Variants in ATG5 observed in about 807,000 individuals in gnomAD.
ATG5 encodes the protein autophagy protein 5.
A neutral mutation model predicts 36.5 loss-of-function variants in ATG5; 14 were observed. The ratio of observed to expected loss-of-function variants is 0.38; its 90% CI spans 0.25 to 0.60. The LOEUF (loss-of-function observed/expected upper bound fraction) is 0.60, where lower values mean the gene tolerates loss of function less well. Among genes scored for constraint, ATG5 ranks in the 20% least tolerant of loss-of-function variants. The pLI, the probability that ATG5 is intolerant of heterozygous loss-of-function variation, is 0.60. For synonymous variants in ATG5, 95 were observed against 101.5 expected, an observed-to-expected ratio of 0.94 and a Z score of 0.38; for missense variants, 195 against 326.7, an observed-to-expected ratio of 0.60 and a Z score of 3.11.
intron 6 of ATG5, among the ~76,000 whole-genome samples, chr6:106,232,555 A>G (rs1777732867): frequency 6.6e-6 from 1 of 152,078 alleles, no homozygotes; most frequent in Admixed American, 6.5e-5. Flanking sequence ...AAGTTAAACT[A>G]AAGGATTCTG....
At chr6:106,284,824 G>A (rs1780014919) in intron 4 of ATG5, among the ~76,000 whole-genome samples, 1 of 150,854 alleles carries the variant, frequency 6.6e-6, no homozygotes, top group African/African-American at 2.4e-5. Context: ...ATGTCTATTC[G>A]AATCCTTTGA....
At chr6:106,278,870 C>G (rs189704486) in intron 5 of ATG5, among the ~76,000 whole-genome samples, 8 of 152,266 alleles carry the variant, frequency 5.3e-5, no homozygotes, top group Admixed American at 5.2e-4. Context: ...TAATTTATCA[C>G]CGATCATAAG....
chr6:106,185,416 C>T lies in ATG5; in HGVS notation c.*1124G>A, dbSNP rs1012891028. On this transcript the variant is annotated 3_prime_UTR_variant, in exon 8 of 8. Transcript: ENST00000369076. Reference sequence around the variant, plus strand: ...CAAATATGTTTGACTGGTAAAATCCCAGAGGCTTGGTAATAAAGTGCAGCA... The same window carrying T: ...CAAATATGTTTGACTGGTAAAATCCTAGAGGCTTGGTAATAAAGTGCAGCA... 5.9e-5 allele frequency: 9 copies of T among 152,634 alleles called. No individual in the cohort carries two copies. The highest frequency in any genetic ancestry group is 2.2e-4 in the African/African-American group (9 of 41,428). The allele number at this position is 152,634 out of a possible 1,614,324, so 9.5% of individuals were successfully genotyped here.
chr6:106,193,351 T>G (rs923002617), intron 7 of ATG5, among the ~76,000 whole-genome samples: 2 of 152,224 alleles, frequency 1.3e-5, no homozygotes, highest in African/African-American at 4.8e-5. Context: ...GTATACATTT[T>G]ATATCTTTAT....
chr6:106,307,535 C>CTTTT (rs34511184), intron 3 of ATG5, among the ~76,000 whole-genome samples: 6 of 105,144 alleles, frequency 5.7e-5, no homozygotes, highest in Non-Finnish European at 5.7e-5. Context: ...TTTCAATACC[C>CTTTT]TTTTTTTTTT....
At chr6:106,276,577 T>G (rs1327110760) in intron 5 of ATG5, among the ~76,000 whole-genome samples, 1 of 152,040 alleles carries the variant, frequency 6.6e-6, no homozygotes, top group African/African-American at 2.4e-5. Context: ...TTAATCATTA[T>G]CCTCCATACC....
chr6:106,298,276 T>A (rs937732580), intron 3 of ATG5, among the ~76,000 whole-genome samples: 10 of 152,150 alleles, frequency 6.6e-5, no homozygotes, highest in African/African-American at 2.4e-4. Flanking sequence ...GTCAAAATCT[T>A]AAAATTTTTT....
intron 7 of ATG5, among the ~76,000 whole-genome samples, chr6:106,196,457 T>C (rs1290940324): frequency 1.3e-5 from 2 of 152,148 alleles, no homozygotes; most frequent in Non-Finnish European, 2.9e-5. Context: ...GGCACAATCA[T>C]GCAAAAATTA....
At chr6:106,271,829 A>AATTC (rs1354663221) in intron 5 of ATG5, 3 of 152,146 alleles carry the variant, frequency 2.0e-5, no homozygotes, top group Non-Finnish European at 4.4e-5. Context: ...GGTATCCTTG[A>AATTC]AGAAAAACCT....
intron 6 of ATG5, among the ~76,000 whole-genome samples, chr6:106,221,711 G>GAA (rs139451759): frequency 0.083 from 11,912 of 144,008 alleles, 517 homozygotes; most frequent in South Asian, 0.13. Flanking sequence ...AAGAAAGAAA[G>GAA]AAAAAAAAAT....
chr6:106,292,979 TTTA>T (rs1273053448), intron 4 of ATG5, 46 bp downstream of exon 4: 2 of 1,450,488 alleles, frequency 1.4e-6, no homozygotes, highest in Non-Finnish European at 1.9e-6. Context: ...TCGAAGTCTA[TTTA>T]TTATGTATCA....
intron 3 of ATG5, chr6:106,304,126 G>A (rs777681389): frequency 6.6e-6 from 1 of 152,082 alleles, no homozygotes; most frequent in Non-Finnish European, 1.5e-5. Context: ...CAGCAAGGTT[G>A]CAGAACACAA....
intron 5 of ATG5, among the ~76,000 whole-genome samples, chr6:106,251,644 A>AGG (rs1289999355): frequency 7.6e-3 from 2 of 264 alleles, no homozygotes; most frequent in Non-Finnish European, 0.018. Flanking sequence ...AGAGAGAGAG[A>AGG]GAGGGAGGGA....
At chr6:106,188,338 T>C (rs1199796538) in intron 7 of ATG5, among the ~76,000 whole-genome samples, 1 of 152,228 alleles carries the variant, frequency 6.6e-6, no homozygotes, top group Non-Finnish European at 1.5e-5. Flanking sequence ...TGAAATATTT[T>C]AATATTCTCA....
intron 2 of ATG5, among the ~76,000 whole-genome samples, chr6:106,308,987 A>C (rs1166835388): frequency 6.6e-6 from 1 of 152,180 alleles, no homozygotes; most frequent in African/African-American, 2.4e-5. Context: ...CTCAAAAAAA[A>C]ACAGTATGAA....
chr6:106,277,534 G>A (rs921990496), intron 5 of ATG5, among the ~76,000 whole-genome samples: 1 of 152,186 alleles, frequency 6.6e-6, no homozygotes, highest in African/African-American at 2.4e-5. Flanking sequence ...TACACTAGAG[G>A]CTGAGCATGG....
chr6:106,193,298 T>C (rs541091145), intron 7 of ATG5, among the ~76,000 whole-genome samples: 165 of 152,324 alleles, frequency 1.1e-3, no homozygotes, highest in African/African-American at 3.4e-3. Context: ...TGCAATATCA[T>C]AGTATATACC....
Position 106,284,694 on chromosome 6 carries a change from G to A in ATG5, c.316-4871C>T, listed in dbSNP as rs114779713. Among the ~76,000 whole-genome samples the A allele has an allele frequency of 4.2e-3, 637 of 151,094 alleles. 4 individuals are homozygous for A. Among genetic ancestry groups the A allele is most frequent in the African/African-American group, 0.015 (604 of 41,248 alleles). On this transcript the variant is annotated intron_variant, in intron 4 of 7. Transcript: ENST00000369076. ...TTTGATGATAACCAATCTAGAGGGC[G>A]TGAAGGGGTAACTCGTTGTGTGGGG...
intron 5 of ATG5, among the ~76,000 whole-genome samples, chr6:106,277,816 C>G (rs1243936562): frequency 1.3e-5 from 2 of 151,902 alleles, no homozygotes; most frequent in African/African-American, 4.8e-5. Flanking sequence ...TTCGTCTCAA[C>G]AAAACAAAAC....
Sources: allele counts gnomAD v4.1 joint callset (sites outside exome capture counted in the v4.1 genomes callset), GRCh38; gene constraint gnomAD v4.1.1; transcripts MANE v1.5; gene names NCBI Gene and HGNC (gene_info 2026-07-23, HGNC 2026-07-21).